The following CCDC50 variants were observed in gnomAD, a reference collection of about 807,000 sequenced individuals.
The protein encoded by CCDC50 is coiled-coil domain-containing protein 50.
In CCDC50, 54 loss-of-function variants were observed where a neutral mutation model predicts 70.2. That is an observed-to-expected ratio of 0.77 (90% CI 0.62 to 0.96). CCDC50 has a LOEUF of 0.96. Among genes scored for constraint, CCDC50 ranks in the 50% least tolerant of loss-of-function variants. The pLI, the probability that CCDC50 is intolerant of heterozygous loss-of-function variation, is 0.00. For missense variants in CCDC50, 558 were observed against 578.7 expected, an observed-to-expected ratio of 0.96 and a Z score of 0.37; for synonymous variants, 216 against 198.8, an observed-to-expected ratio of 1.09 and a Z score of -0.73.
intron 5 of CCDC50, 166 bp downstream of exon 5, chr3:191,370,202 T>A (rs747371887): frequency 1.6e-6 from 1 of 625,104 alleles, no homozygotes; most frequent in Non-Finnish European, 2.9e-6. Flanking sequence ...TCTAATAAAT[T>A]CATGTTTTGT....
At chr3:191,391,145 T>A (rs954120377) in intron 11 of CCDC50, among the ~76,000 whole-genome samples, 3 of 152,242 alleles carry the variant, frequency 2.0e-5, no homozygotes, top group Non-Finnish European at 4.4e-5. Flanking sequence ...ATGCTGTTTA[T>A]TTGTTATGAT....
In CCDC50 at chr3:191,351,421, A is replaced by AT. The variant is rs201366641; in HGVS notation, c.50-5662dup. 6.9e-3 allele frequency among the ~76,000 whole-genome samples: 979 copies of AT among 141,204 alleles called. 114 individuals are homozygous for AT. Among genetic ancestry groups the AT allele is most frequent in the African/African-American group, 0.023 (913 of 39,722 alleles). 92.6% of individuals were successfully genotyped at this position (141,204 alleles called of 152,430 possible). A position where few individuals can be genotyped will look rare whatever the true frequency, so the allele number is the denominator to read the frequency against. ...ATTAAAATATACAAATTTTGTCTCT[A>AT]TTTTTCTACTGATTGCCAAGGGGAG... On this transcript the variant is annotated intron_variant, in intron 1 of 11. Transcript: ENST00000392455.
At chr3:191,330,127 G>A (rs1051611850) in intron 1 of CCDC50, among the ~76,000 whole-genome samples, 2 of 152,074 alleles carry the variant, frequency 1.3e-5, no homozygotes, top group African/African-American at 4.8e-5. Context: ...ATTCAGTTCC[G>A]TGTGGAGCCT....
intron 1 of CCDC50, among the ~76,000 whole-genome samples, chr3:191,334,988 G>T (rs1191154858): frequency 6.6e-6 from 1 of 152,132 alleles, no homozygotes; most frequent in East Asian, 1.9e-4. Flanking sequence ...TTGCAAAAAT[G>T]CATGTCTTCT....
At chr3:191,387,262 C>G (rs750993682) in intron 10 of CCDC50, among the ~76,000 whole-genome samples, 31 of 152,018 alleles carry the variant, frequency 2.0e-4, no homozygotes, top group Non-Finnish European at 3.1e-4. Flanking sequence ...GTTTAAGTGT[C>G]TAGGAGGGTT....
rs1198078863 is a variant in CCDC50, at chr3:191,395,755, A to T, written c.*3995A>T. 1.3e-5 allele frequency: 2 copies of T among 152,230 alleles called. No individual in the cohort carries two copies. Among genetic ancestry groups the T allele is most frequent in the Non-Finnish European group, 2.9e-5 (2 of 68,034 alleles). The allele number at this position is 152,230 out of a possible 1,614,324, so 9.4% of individuals were successfully genotyped here. On this transcript the variant is annotated 3_prime_UTR_variant, in exon 12 of 12. Coordinates refer to ENST00000392455, the MANE Select transcript of CCDC50 (RefSeq NM_178335.3). ...AAAATCAAAACCTCATGCTTCAGCA[A>T]AAAGGAAAAAAGATTTTTAAATTAC...
At chr3:191,360,592 A>G (rs1409570035) in intron 3 of CCDC50, among the ~76,000 whole-genome samples, 2 of 152,232 alleles carry the variant, frequency 1.3e-5, no homozygotes, top group African/African-American at 4.8e-5. Context: ...TGGTCTGAGT[A>G]GATTTTTGTT....
At chr3:191,371,965 A>C (rs1265178795) in intron 5 of CCDC50, among the ~76,000 whole-genome samples, 1 of 152,138 alleles carries the variant, frequency 6.6e-6, no homozygotes, top group Non-Finnish European at 1.5e-5. Context: ...ATTCACTGTA[A>C]ACGTTATTAT....
chr3:191,376,635 G>T (rs1309323683), intron 6 of CCDC50, among the ~76,000 whole-genome samples: 1 of 152,110 alleles, frequency 6.6e-6, no homozygotes, highest in Non-Finnish European at 1.5e-5. Flanking sequence ...TTAAAATTTA[G>T]TTCCAGAAGC....
At chr3:191,335,004 A>G (rs975596523) in intron 1 of CCDC50, among the ~76,000 whole-genome samples, 2 of 152,178 alleles carry the variant, frequency 1.3e-5, no homozygotes, top group African/African-American at 4.8e-5. Flanking sequence ...CTTCTCTGGT[A>G]TATTCATTCT....
chr3:191,384,150 T>C (rs908923174), intron 10 of CCDC50, among the ~76,000 whole-genome samples: 3 of 151,946 alleles, frequency 2.0e-5, no homozygotes, highest in African/African-American at 7.3e-5. Context: ...ACTGAAAGAG[T>C]GAATAATCAA....
chr3:191,329,980 G>C (rs911782551), intron 1 of CCDC50, among the ~76,000 whole-genome samples: 2 of 89,304 alleles, frequency 2.2e-5, no homozygotes, highest in African/African-American at 7.6e-5. Context: ...CAGCAAGTAG[G>C]TGGCTGTGCC....
chr3:191,375,925 G>T (rs1302278061), intron 6 of CCDC50, among the ~76,000 whole-genome samples: 1 of 152,038 alleles, frequency 6.6e-6, no homozygotes, highest in African/African-American at 2.4e-5. Context: ...CAAAACTCCT[G>T]AATTTCTGGT....
intron 1 of CCDC50, among the ~76,000 whole-genome samples, chr3:191,339,628 C>A (rs962037870): frequency 6.6e-6 from 1 of 152,174 alleles, no homozygotes; most frequent in Non-Finnish European, 1.5e-5. Context: ...ATTTGGTGAT[C>A]TTCAAGAAGC....
intron 11 of CCDC50, among the ~76,000 whole-genome samples, chr3:191,391,180 T>A (rs1018938240): frequency 1.3e-5 from 2 of 152,204 alleles, no homozygotes; most frequent in African/African-American, 4.8e-5. Context: ...GTGATATTGT[T>A]ATTCATTTCC....
rs1188328831 is a variant in CCDC50, at chr3:191,394,985, A to G, written c.*3225A>G. Reference sequence around the variant, plus strand: ...CATACCAATAAATTACAAAAGCAGAAAATGAAAATTAACCCTAGGTGTTCT... The same window carrying G: ...CATACCAATAAATTACAAAAGCAGAGAATGAAAATTAACCCTAGGTGTTCT... On this transcript the variant is annotated 3_prime_UTR_variant, in exon 12 of 12. Coordinates refer to ENST00000392455, the MANE Select transcript of CCDC50 (RefSeq NM_178335.3). 1 of 152,212 alleles carries G rather than the reference A, an allele frequency of 6.6e-6. No individual in the cohort carries two copies. Among genetic ancestry groups the G allele is most frequent in the East Asian group, 1.9e-4 (1 of 5,204 alleles). The allele number at this position is 152,212 out of a possible 1,614,324, so 9.4% of individuals were successfully genotyped here.
intron 5 of CCDC50, chr3:191,370,270 T>A: frequency 2.5e-6 from 1 of 393,566 alleles, no homozygotes; most frequent in Non-Finnish European, 4.9e-6. Context: ...ACGTGCAGGT[T>A]TGTTACATAT....
In CCDC50 at chr3:191,375,282, T is replaced by C; in HGVS notation, c.669T>C (p.His223=). The C allele has an allele frequency of 1.2e-6, 2 of 1,613,636 alleles. No individual in the cohort carries two copies. Among genetic ancestry groups the C allele is most frequent in the Non-Finnish European group, 1.7e-6 (2 of 1,179,764 alleles). Residue 223 remains histidine (H), a synonymous_variant, in exon 6 of 12, where the codon CAT becomes CAC. Transcript: ENST00000392455. ...ATCCCCATATTAACAATGAGCAGCA[T>C]GAAAGGAAACGGTCCACTCAGGAGA... ...RDNPHINNEQ[H]ERKRSTQERP... is the part of the protein sequence containing the mutation.
At chr3:191,376,694 G>A (rs552011835) in intron 6 of CCDC50, among the ~76,000 whole-genome samples, 59 of 152,254 alleles carry the variant, frequency 3.9e-4, no homozygotes, top group Non-Finnish European at 7.8e-4. Flanking sequence ...TTTGTGCTTG[G>A]ATTTCAGCCA....
Sources: gnomAD v4.1 joint callset for allele counts (sites outside exome capture counted in the v4.1 genomes callset) on GRCh38, gnomAD v4.1.1 for gene constraint, MANE v1.5 for transcripts, NCBI Gene and HGNC (gene_info 2026-07-23, HGNC 2026-07-21) for gene names.